APPL2: variants seen among roughly 807,000 people sequenced by gnomAD.
APPL2 encodes the protein DCC-interacting protein 13-beta.
Under a neutral mutation model 92.7 loss-of-function variants are expected in APPL2, and 84 were observed. The ratio of observed to expected loss-of-function variants is 0.91; its 90% CI spans 0.76 to 1.09. The LOEUF is 1.09. APPL2 is among the 50% of genes least tolerant of loss of function. APPL2 has a pLI of 0.00. For synonymous variants in APPL2, 291 were observed against 291.0 expected, an observed-to-expected ratio of 1.00 and a Z score of 0.00; for missense variants, 736 against 824.5, an observed-to-expected ratio of 0.89 and a Z score of 1.31.
chr12:105,186,640 TATA>T (rs1293018660), intron 17 of APPL2, among the ~76,000 whole-genome samples: 18 of 126,256 alleles, frequency 1.4e-4, no homozygotes, highest in African/African-American at 3.2e-4. Flanking sequence ...ATATATCATA[TATA>T]TGATATCGAT....
chr12:105,204,537 C>A (rs1263553354), intron 8 of APPL2, among the ~76,000 whole-genome samples: 2 of 152,188 alleles, frequency 1.3e-5, no homozygotes, highest in African/African-American at 4.8e-5. Context: ...GTGATACATG[C>A]AGGGGACTGT....
intron 4 of APPL2, 26 bp from the exon 5 acceptor site, chr12:105,211,343 G>A (rs1889200171): frequency 1.4e-6 from 2 of 1,478,030 alleles, no homozygotes; most frequent in African/African-American, 1.4e-5. Flanking sequence ...TGGTATTCAA[G>A]TAAATTAAAT....
intron 17 of APPL2, among the ~76,000 whole-genome samples, chr12:105,183,663 G>A (rs1421374269): frequency 6.6e-6 from 1 of 152,168 alleles, no homozygotes; most frequent in Non-Finnish European, 1.5e-5. Flanking sequence ...TGGGTAATGT[G>A]ACCTTTCTCT....
At chr12:105,222,149 G>A (rs971248527) in intron 2 of APPL2, among the ~76,000 whole-genome samples, 7 of 152,196 alleles carry the variant, frequency 4.6e-5, no homozygotes, top group African/African-American at 1.4e-4. Flanking sequence ...TGGCAAGAAC[G>A]CGGCTGGAGC....
At chr12:105,229,477 T>C (rs1890762594) in intron 1 of APPL2, among the ~76,000 whole-genome samples, 2 of 152,188 alleles carry the variant, frequency 1.3e-5, no homozygotes, top group Admixed American at 1.3e-4. Context: ...AAGCCAGTTT[T>C]TAAAAGATTA....
chr12:105,211,280 G>A lies in APPL2; in HGVS notation c.323C>T (p.Ala108Val). 1.9e-6 allele frequency: 3 copies of A among 1,613,920 alleles called. No individual in the cohort carries two copies. The highest frequency in any genetic ancestry group is 2.5e-6 in the Non-Finnish European group (3 of 1,179,798). Residue 108 changes from alanine (A) to valine (V), a missense_variant, in exon 5 of 21, where the codon GCA becomes GTA. By Grantham distance (64) the Ala-to-Val change is moderately conservative. Coordinates refer to ENST00000258530, the MANE Select transcript of APPL2 (RefSeq NM_018171.5). ...TATGATAGGTAGAACCATTGTGTCT[G>A]CCAACTGTTTAGCCAGCTCTGTATG... is the stretch of plus-strand genomic sequence containing the variant. ...LLHTELAKQL[A>V]DTMVLPIIQF...
chr12:105,178,343 G>A (rs1219605109), intron 17 of APPL2, among the ~76,000 whole-genome samples: 1 of 152,140 alleles, frequency 6.6e-6, no homozygotes, highest in Non-Finnish European at 1.5e-5. Flanking sequence ...TAAATGTCCA[G>A]ATCTATAGAG....
chr12:105,229,486 T>G, intron 1 of APPL2: 2 of 1,018,020 alleles, frequency 2.0e-6, no homozygotes, highest in Non-Finnish European at 2.5e-6. Flanking sequence ...TTTAAAAGAT[T>G]ATGACTGAAG....
intron 9 of APPL2, among the ~76,000 whole-genome samples, chr12:105,200,663 T>C (rs114545270): frequency 6.6e-6 from 1 of 152,302 alleles, no homozygotes; most frequent in African/African-American, 2.4e-5. Context: ...AATCACAATT[T>C]AGAGGAGGTG....
Position 105,173,435 on chromosome 12 carries a change from T to A in APPL2, c.*879A>T, listed in dbSNP as rs1050260921. 3 of 152,372 alleles carry A rather than the reference T, an allele frequency of 2.0e-5. No individual in the cohort carries two copies. The highest frequency in any genetic ancestry group is 4.4e-5 in the Non-Finnish European group (3 of 67,974). 9.4% of individuals were successfully genotyped at this position (152,372 alleles called of 1,614,324 possible). A position where few individuals can be genotyped will look rare whatever the true frequency, so the allele number is the denominator to read the frequency against. On this transcript the variant is annotated 3_prime_UTR_variant, in exon 21 of 21. Transcript: ENST00000258530. ...TTGATAGGGAGGAGGGATGGGGGAG[T>A]GGGCTGGGGTTCCAGGAATTGGAAG...
intron 17 of APPL2, 190 bp from the exon 18 acceptor site, chr12:105,177,452 G>C: frequency 1.6e-6 from 1 of 606,848 alleles, no homozygotes; most frequent in Non-Finnish European, 2.9e-6. Flanking sequence ...TGTAGCTAAA[G>C]CTCAGGGTAC....
chr12:105,212,199 T>C (rs990619710), intron 4 of APPL2, among the ~76,000 whole-genome samples: 2 of 151,080 alleles, frequency 1.3e-5, no homozygotes, highest in African/African-American at 2.4e-5. Flanking sequence ...GAAAAGGACC[T>C]GAGAATAAGA....
intron 8 of APPL2, among the ~76,000 whole-genome samples, chr12:105,204,672 T>A (rs2084646680): frequency 6.6e-6 from 1 of 152,198 alleles, no homozygotes; most frequent in Admixed American, 6.5e-5. Flanking sequence ...AAATCAGCAC[T>A]CTGCATTTCT....
At chr12:105,200,846 A>G (rs573368835) in intron 9 of APPL2, among the ~76,000 whole-genome samples, 41 of 128,756 alleles carry the variant, frequency 3.2e-4, no homozygotes, top group South Asian at 7.6e-4. Flanking sequence ...GTATGTATGT[A>G]TGTATGTATG....
intron 5 of APPL2, among the ~76,000 whole-genome samples, chr12:105,209,817 T>C (rs1225423473): frequency 6.6e-6 from 1 of 152,214 alleles, no homozygotes; most frequent in Non-Finnish European, 1.5e-5. Context: ...TGCAAGCAAA[T>C]GGAGGCATTA....
chr12:105,174,358 C>T lies in APPL2; in HGVS notation c.1951G>A (p.Asp651Asn). 1 of 1,613,998 alleles carries T rather than the reference C, an allele frequency of 6.2e-7. No homozygotes were observed. Among genetic ancestry groups the T allele is most frequent in the Non-Finnish European group, 8.5e-7 (1 of 1,179,916 alleles). ...VLLNDQPDDD[D>N]GNPNEHRGAE... ...CCTCTATGTTCGTTTGGATTTCCAT[C>T]ATCGTCATCTGGTTGATCGTTTAAC... Residue 651 changes from aspartate (D) to asparagine (N), a missense_variant, in exon 21 of 21, where the codon GAT becomes AAT. Physicochemically the swap from Asp to Asn is conservative, Grantham distance 23 (BLOSUM62 1). Transcript: ENST00000258530.
intron 17 of APPL2, among the ~76,000 whole-genome samples, chr12:105,186,650 C>A (rs1353870734): frequency 1.6e-4 from 18 of 111,276 alleles, no homozygotes; most frequent in East Asian, 5.9e-4. Context: ...TATATGATAT[C>A]GATATCATAT....
At chr12:105,227,342 C>G (rs1011372972) in intron 2 of APPL2, among the ~76,000 whole-genome samples, 3 of 152,162 alleles carry the variant, frequency 2.0e-5, no homozygotes, top group African/African-American at 7.2e-5. Flanking sequence ...GTTTGCCTAT[C>G]TATATCTCCA....
Position 105,176,018 on chromosome 12 carries a change from G to T in APPL2, c.1860+17C>A. The T allele has an allele frequency of 2.5e-6, 4 of 1,568,716 alleles. No homozygotes were observed. The highest frequency in any genetic ancestry group is 3.4e-6 in the Non-Finnish European group (4 of 1,161,344). ...TGTTTTGAGTAGCTACTAAACCAGCGCTAGAATGCATCTTACCTTCTGAAC... is the reference window on the plus strand; with the variant it reads ...TGTTTTGAGTAGCTACTAAACCAGCTCTAGAATGCATCTTACCTTCTGAAC... On this transcript the variant is annotated intron_variant, in intron 20 of 20. Coordinates refer to ENST00000258530, the MANE Select transcript of APPL2 (RefSeq NM_018171.5).
Sources: gnomAD v4.1 joint callset for allele counts (sites outside exome capture counted in the v4.1 genomes callset) on GRCh38, gnomAD v4.1.1 for gene constraint, MANE v1.5 for transcripts, NCBI Gene and HGNC (gene_info 2026-07-23, HGNC 2026-07-21) for gene names.